The following TMPRSS11A variants were observed in gnomAD, a reference collection of about 807,000 sequenced individuals.
The protein encoded by TMPRSS11A is transmembrane serine protease 11A.
A neutral mutation model predicts 58.9 loss-of-function variants in TMPRSS11A; 53 were observed. That is an observed-to-expected ratio of 0.90 (90% CI 0.72 to 1.13). The LOEUF (loss-of-function observed/expected upper bound fraction) is 1.13, where lower values mean the gene tolerates loss of function less well. Among genes scored for constraint, TMPRSS11A ranks in the 50% most tolerant of loss-of-function variants. The pLI, the probability that TMPRSS11A is intolerant of heterozygous loss-of-function variation, is 0.00. For missense variants in TMPRSS11A, 493 were observed against 499.3 expected (o/e 0.99, Z 0.12); for synonymous variants, 167 against 169.8 (o/e 0.98, Z 0.13).
In TMPRSS11A at chr4:67,924,004, G is replaced by A. The variant is rs180796856; in HGVS notation, c.520+124C>T. On this transcript the variant is annotated intron_variant, in intron 6 of 9. Transcript: ENST00000508048. ...GAAAAAAAATGTATTTAAATCTATC[G>A]TACAAATAGTTATTATCTCTCAAAG... is the stretch of plus-strand genomic sequence containing the variant. 403 of 843,724 alleles carry A rather than the reference G, an allele frequency of 4.8e-4. 3 individuals are homozygous for A. Among genetic ancestry groups the A allele is most frequent in the Middle Eastern group, 3.3e-3 (13 of 3,916 alleles). The allele number at this position is 843,724 out of a possible 1,614,324, so 52.3% of individuals were successfully genotyped here. A position where few individuals can be genotyped will look rare whatever the true frequency, so the allele number is the denominator to read the frequency against.
At chr4:67,924,232 A>G in intron 5 of TMPRSS11A, 66 bp from the exon 6 acceptor site, 2 of 1,350,228 alleles carry the variant, frequency 1.5e-6, no homozygotes, top group Non-Finnish European at 2.1e-6. Flanking sequence ...AATGACCAGG[A>G]ATAATCAGAG....
intron 5 of TMPRSS11A, among the ~76,000 whole-genome samples, chr4:67,924,500 A>G (rs2109742848): frequency 6.6e-6 from 1 of 152,340 alleles, no homozygotes; most frequent in South Asian, 2.1e-4. Flanking sequence ...ACTTCAGAAG[A>G]TGGATAAATG....
At chr4:67,926,660 G>A (rs1383046517) in intron 5 of TMPRSS11A, among the ~76,000 whole-genome samples, 2 of 152,212 alleles carry the variant, frequency 1.3e-5, no homozygotes, top group Non-Finnish European at 2.9e-5. Flanking sequence ...GGCCACTGCA[G>A]GGAGGGCGTG....
chr4:67,945,918 T>A (rs1720992106), intron 2 of TMPRSS11A, among the ~76,000 whole-genome samples: 2 of 152,176 alleles, frequency 1.3e-5, no homozygotes, highest in Admixed American at 1.3e-4. Flanking sequence ...AGTAAAATTT[T>A]TTTTCTCTAA....
intron 1 of TMPRSS11A, among the ~76,000 whole-genome samples, chr4:67,955,364 G>A (rs1045769447): frequency 3.3e-5 from 5 of 152,178 alleles, no homozygotes; most frequent in African/African-American, 4.8e-5. Context: ...ATGTTTGCAC[G>A]TGTGTGTACG....
chr4:67,939,878 G>A (rs1720839922), intron 3 of TMPRSS11A, among the ~76,000 whole-genome samples: 1 of 151,876 alleles, frequency 6.6e-6, no homozygotes, highest in Admixed American at 6.6e-5. Context: ...TAATACAGAT[G>A]GGGTTTCACC....
At chr4:67,933,755 G>C (rs1364063921) in intron 3 of TMPRSS11A, among the ~76,000 whole-genome samples, 3 of 151,894 alleles carry the variant, frequency 2.0e-5, no homozygotes, top group African/African-American at 7.3e-5. Context: ...TGGAGGTGAG[G>C]GATTCCAAAA....
At chr4:67,949,582 G>A (rs1721110519) in intron 1 of TMPRSS11A, among the ~76,000 whole-genome samples, 2 of 152,166 alleles carry the variant, frequency 1.3e-5, no homozygotes, top group South Asian at 4.1e-4. Context: ...ATCACCACCG[G>A]GCATGGTGGC....
At chr4:67,927,013 G>C (rs1720490838) in intron 5 of TMPRSS11A, among the ~76,000 whole-genome samples, 1 of 152,182 alleles carries the variant, frequency 6.6e-6, no homozygotes. Flanking sequence ...CTGGACACTT[G>C]TTGGGACACC....
intron 1 of TMPRSS11A, among the ~76,000 whole-genome samples, chr4:67,949,440 C>G (rs193013773): frequency 2.0e-5 from 3 of 152,284 alleles, no homozygotes; most frequent in Admixed American, 2.0e-4. Flanking sequence ...ATAGCAGATG[C>G]GCACTGCCAG....
At chr4:67,925,661 C>T (rs1382780313) in intron 5 of TMPRSS11A, among the ~76,000 whole-genome samples, 1 of 152,202 alleles carries the variant, frequency 6.6e-6, no homozygotes, top group Non-Finnish European at 1.5e-5. Context: ...ATGGAAGGAA[C>T]TCAGTTTACC....
chr4:67,935,456 C>T (rs544854081), intron 3 of TMPRSS11A, among the ~76,000 whole-genome samples: 41 of 152,322 alleles, frequency 2.7e-4, no homozygotes, highest in Middle Eastern at 3.4e-3. Context: ...TGTCTTCCCT[C>T]TGTCTCAATT....
rs1216853580 is a variant in TMPRSS11A at position 67,944,752 on chromosome 4, GT to G, written c.134-116del. The G allele has an allele frequency of 1.0e-5, 8 of 788,166 alleles. No homozygotes were observed. The African/African-American group carries it at 1.4e-4, about 14-fold the overall frequency. The allele number at this position is 788,166 out of a possible 1,614,324, so 48.8% of individuals were successfully genotyped here. ...TGTCCCTGAGCCTCTTCATAATTGA[GT>G]TTTATTTAAAAAATAACAGTTAATG... On this transcript the variant is annotated intron_variant, in intron 2 of 9. Transcript: ENST00000508048.
intron 1 of TMPRSS11A, among the ~76,000 whole-genome samples, chr4:67,958,730 A>G (rs1182103600): frequency 1.3e-5 from 2 of 152,082 alleles, no homozygotes; most frequent in African/African-American, 4.8e-5. Flanking sequence ...AGTACATGAG[A>G]TTTGGGTGGG....
chr4:67,923,533 G>A (rs925155330), intron 6 of TMPRSS11A, among the ~76,000 whole-genome samples: 4 of 152,136 alleles, frequency 2.6e-5, no homozygotes, highest in African/African-American at 9.7e-5. Flanking sequence ...TTGAGATGGA[G>A]TCTCACTCTG....
At chr4:67,928,327 T>A (rs1720526843) in intron 5 of TMPRSS11A, among the ~76,000 whole-genome samples, 1 of 152,224 alleles carries the variant, frequency 6.6e-6, no homozygotes, top group Non-Finnish European at 1.5e-5. Context: ...ATTATAGGCT[T>A]GAGCCACCAT....
At chr4:67,952,267 G>A (rs77086466) in intron 1 of TMPRSS11A, among the ~76,000 whole-genome samples, 2,296 of 152,298 alleles carry the variant, frequency 0.015, 65 homozygotes, top group African/African-American at 0.052. Context: ...AGAACCTACT[G>A]TGTGGCTGCT....
At chr4:67,918,732 T>C (rs1720226307) in intron 8 of TMPRSS11A, among the ~76,000 whole-genome samples, 1 of 152,214 alleles carries the variant, frequency 6.6e-6, no homozygotes, top group African/African-American at 2.4e-5. Context: ...GTGTCTGAAG[T>C]GAAACTTACT....
At chr4:67,929,189 T>C (rs1360880130) in intron 5 of TMPRSS11A, among the ~76,000 whole-genome samples, 1 of 152,196 alleles carries the variant, frequency 6.6e-6, no homozygotes, top group Non-Finnish European at 1.5e-5. Context: ...TGAATTTGCG[T>C]ACGTCACTGG....
Sources: gnomAD v4.1 joint callset for allele counts (sites outside exome capture counted in the v4.1 genomes callset) on GRCh38, gnomAD v4.1.1 for gene constraint, MANE v1.5 for transcripts, NCBI Gene and HGNC (gene_info 2026-07-23, HGNC 2026-07-21) for gene names.